Variants in MEGF6 observed in about 807,000 individuals in gnomAD.
MEGF6 encodes multiple epidermal growth factor-like domains protein 6.
In MEGF6, 184 loss-of-function variants were observed where a neutral mutation model predicts 207.1. The observed-to-expected ratio is 0.89, with a 90% CI of 0.79 to 1.00. The LOEUF (loss-of-function observed/expected upper bound fraction) is 1.00. MEGF6 is among the 50% of genes least tolerant of loss of function. The pLI, the probability that MEGF6 is intolerant of heterozygous loss-of-function variation, is 0.00. For missense variants in MEGF6, 2,282 were observed against 2,202.9 expected, an observed-to-expected ratio of 1.04 and a Z score of -0.72; for synonymous variants, 1,038 against 910.0, an observed-to-expected ratio of 1.14 and a Z score of -2.53.
At position 3,594,971 on chromosome 1, in the gene MEGF6, T is replaced by C. The variant is rs1443741559; in HGVS notation, c.376+367A>G. On this transcript the variant is annotated intron_variant, in intron 3 of 36. Coordinates refer to ENST00000356575, the MANE Select transcript of MEGF6 (RefSeq NM_001409.4). The surrounding 1 kb of genome is among the most constrained non-coding windows in gnomAD (Gnocchi z 4.2). ...GGGCAGGGAGAGGGACTCAGGGAGC[T>C]GGGGGTGAGCGTGGTGTGGCAGGTA... Among the ~76,000 whole-genome samples, 3 of 151,822 alleles carry C rather than the reference T, an allele frequency of 2.0e-5. No homozygotes were observed. In the East Asian group the frequency reaches 5.8e-4, roughly 29 times the overall value.
At chr1:3,577,791 G>A (rs1260218601) in intron 4 of MEGF6, among the ~76,000 whole-genome samples, 1 of 152,192 alleles carries the variant, frequency 6.6e-6, no homozygotes, top group Non-Finnish European at 1.5e-5. Context: ...GTGCTGGCCT[G>A]GGCCTGGGGA....
chr1:3,568,699 TAGCCCCTCCTG>T (rs1198565282), intron 4 of MEGF6, among the ~76,000 whole-genome samples: 1 of 152,130 alleles, frequency 6.6e-6, no homozygotes, highest in East Asian at 1.9e-4. Flanking sequence ...GCCAGCCCTT[TAGCCCCTCCTG>T]ACGGTGGGTT....
At position 3,501,879 on chromosome 1, in the gene MEGF6, C is replaced by A. The variant is rs1381083048; in HGVS notation, c.2231G>T (p.Cys744Phe). Residue 744 changes from cysteine (C) to phenylalanine (F), a missense_variant, in exon 18 of 37, where the codon TGC (cysteine) becomes TTC (phenylalanine). Coordinates refer to ENST00000356575, the MANE Select transcript of MEGF6 (RefSeq NM_001409.4). Reference sequence around the variant, plus strand: ...GTGGCAGGGGGCCCCCCCACAGGAGCAGGAGCTCGAGCAGTTCACGCCAAA... The same window carrying A: ...GTGGCAGGGGGCCCCCCCACAGGAGAAGGAGCTCGAGCAGTTCACGCCAAA... ...GTFGVNCSSS[C>F]SCGGAPCHGV... 1.6e-5 allele frequency: 25 copies of A among 1,609,516 alleles called. No individual in the cohort carries two copies. The highest frequency in any genetic ancestry group is 2.1e-5 in the Non-Finnish European group (25 of 1,178,786).
At chr1:3,611,603 G>T, upstream of MEGF6, 1 of 141,000 alleles carries the variant, frequency 7.1e-6, no homozygotes, top group Non-Finnish European at 1.2e-5. Context: ...CGCCCCCTGC[G>T]CCCTCGGCCC....
chr1:3,506,666 G>A (rs577258868), intron 14 of MEGF6, among the ~76,000 whole-genome samples: 4 of 152,280 alleles, frequency 2.6e-5, no homozygotes, highest in East Asian at 1.9e-4. Flanking sequence ...AAAGGTCCTC[G>A]CCTTTCTTCC....
chr1:3,494,310 CGGGAGGAGTG>C (rs1328581185), intron 32 of MEGF6, 51 bp downstream of exon 32: 1 of 1,504,092 alleles, frequency 6.6e-7, no homozygotes, highest in Non-Finnish European at 8.9e-7. Context: ...ATCACCCACA[CGGGAGGAGTG>C]GACAGTGGCT....
Position 3,602,560 on chromosome 1 carries a change from G to A in MEGF6, c.172C>T (p.Arg58Cys), listed in dbSNP as rs367597121. 3.4e-5 allele frequency: 55 copies of A among 1,612,086 alleles called. No individual in the cohort carries two copies. The highest frequency in any genetic ancestry group is 3.3e-5 in the Admixed American group (2 of 59,920). The change falls in exon 2 of 37, where the codon CGC becomes TGC. Residue 58 changes from arginine to cysteine, a missense_variant. Transcript: ENST00000356575. Reference sequence around the variant, plus strand: ...AAGGCCTGCACGCACGGCTGGCGGCGGCCCACCAGGGTCAGCTCCTGCTCA... The same window carrying A: ...AAGGCCTGCACGCACGGCTGGCGGCAGCCCACCAGGGTCAGCTCCTGCTCA... ...CAEQELTLVGRRQPCVQALSH... is the reference protein window; with the variant it reads ...CAEQELTLVGCRQPCVQALSH...
intron 2 of MEGF6, among the ~76,000 whole-genome samples, chr1:3,597,379 G>C (rs951946818): frequency 6.6e-6 from 1 of 152,024 alleles, no homozygotes; most frequent in Non-Finnish European, 1.5e-5. Flanking sequence ...CCTCACTCTA[G>C]CAAGGACTAC....
rs755179750 is a variant in MEGF6 at position 3,499,708 on chromosome 1, C to T, written c.2845G>A (p.Ala949Thr). Residue 949 changes from alanine (A) to threonine (T), a missense_variant, in exon 23 of 37, where the codon GCC becomes ACC. Transcript: ENST00000356575. ...RGTFCEHACP[A>T]GFFGLDCRSA... ...CGACAGTCCAATCCAAAGAAGCCGG[C>T]CGGGCAGGCTGCAGACAGCGGGCAG... 30 of 1,604,328 alleles carry T rather than the reference C, an allele frequency of 1.9e-5. No individual in the cohort carries two copies. Among genetic ancestry groups the T allele is most frequent in the Non-Finnish European group, 4.2e-6 (5 of 1,176,514 alleles).
At position 3,496,772 on chromosome 1, in the gene MEGF6, CG is replaced by C. The variant is rs1184647139; in HGVS notation, c.3624del (p.Arg1210GlyfsTer64). 2.6e-6 allele frequency: 4 copies of C among 1,557,436 alleles called. No individual in the cohort carries two copies. Among genetic ancestry groups the C allele is most frequent in the Non-Finnish European group, 3.5e-6 (4 of 1,150,956 alleles). On this transcript the variant is annotated frameshift_variant, in exon 29 of 37. Coordinates refer to ENST00000356575, the MANE Select transcript of MEGF6 (RefSeq NM_001409.4). LOFTEE classifies it high-confidence loss of function. ...HGPSCQQRCP[P>X]GRYGPGCEQL... is the part of the protein sequence containing the mutation. ...TGTTCACAGCCTGGCCCATACCGCCCGGGCGGACATCCTGCAGGGAGAGGGG... is the reference window on the plus strand; with the variant it reads ...TGTTCACAGCCTGGCCCATACCGCCCGGCGGACATCCTGCAGGGAGAGGGG...
At chr1:3,604,161 C>T (rs1268941559) in intron 1 of MEGF6, among the ~76,000 whole-genome samples, 1 of 152,168 alleles carries the variant, frequency 6.6e-6, no homozygotes, top group Admixed American at 6.5e-5. Context: ...CAGTCAAGTC[C>T]GAGAGGGGCT....
At chr1:3,580,175 A>G (rs1434252183) in intron 3 of MEGF6, among the ~76,000 whole-genome samples, 1 of 150,664 alleles carries the variant, frequency 6.6e-6, no homozygotes, top group Non-Finnish European at 1.5e-5. Flanking sequence ...GCCCTAACTC[A>G]CTTCACCTAG....
chr1:3,589,843 A>C (rs1275063242), intron 3 of MEGF6, among the ~76,000 whole-genome samples: 1 of 152,200 alleles, frequency 6.6e-6, no homozygotes, highest in African/African-American at 2.4e-5. Flanking sequence ...CTCAAGATTC[A>C]AGGTGCAATT....
chr1:3,539,893 A>G (rs1008305627), intron 4 of MEGF6, among the ~76,000 whole-genome samples: 43 of 152,170 alleles, frequency 2.8e-4, no homozygotes, highest in African/African-American at 1.0e-3. Context: ...AGCCTCCCCA[A>G]GCTCCAAGTC....
chr1:3,564,260 G>A (rs749264426), intron 4 of MEGF6, among the ~76,000 whole-genome samples: 1 of 151,954 alleles, frequency 6.6e-6, no homozygotes, highest in Non-Finnish European at 1.5e-5. Context: ...CAGGTGTCTT[G>A]ACTGTATCCT....
chr1:3,587,026 G>C (rs1384620770), intron 3 of MEGF6, among the ~76,000 whole-genome samples: 2 of 152,224 alleles, frequency 1.3e-5, no homozygotes, highest in Non-Finnish European at 2.9e-5. Context: ...CCCGTCCGGG[G>C]TTTCTGCAGC....
At chr1:3,559,039 CA>C (rs1033382132) in intron 4 of MEGF6, among the ~76,000 whole-genome samples, 24 of 151,914 alleles carry the variant, frequency 1.6e-4, no homozygotes, top group Non-Finnish European at 2.9e-5. Context: ...ACAAAACAAA[CA>C]AAAATAAAAA....
chr1:3,546,527 G>C (rs1642708898), intron 4 of MEGF6, among the ~76,000 whole-genome samples: 1 of 151,898 alleles, frequency 6.6e-6, no homozygotes, highest in South Asian at 2.1e-4. Flanking sequence ...TGCCAGGGAG[G>C]GCACCGAGGC....
At chr1:3,498,974 C>A in intron 24 of MEGF6, 148 bp from the exon 25 acceptor site, 2 of 1,411,650 alleles carry the variant, frequency 1.4e-6, no homozygotes, top group Non-Finnish European at 9.5e-7. Flanking sequence ...CAGCCTCACT[C>A]CCCATCCCTG....
Sources: gnomAD v4.1 joint callset for allele counts (sites outside exome capture counted in the v4.1 genomes callset) on GRCh38, gnomAD v4.1.1 for gene constraint, Gnocchi (gnomAD v3.1) non-coding constraint, MANE v1.5 for transcripts, NCBI Gene and HGNC (gene_info 2026-07-23, HGNC 2026-07-21) for gene names.